ZNF644: variants seen among roughly 807,000 people sequenced by gnomAD.
ZNF644 encodes the protein zinc finger protein 644.
In ZNF644, 20 loss-of-function variants were observed where a neutral mutation model predicts 108.0. The ratio of observed to expected loss-of-function variants is 0.19; its 90% CI spans 0.13 to 0.27. ZNF644 has a LOEUF of 0.27. Ranked by LOEUF, ZNF644 falls within the 10% of genes least tolerant of loss-of-function variation. The pLI, the probability that ZNF644 is intolerant of heterozygous loss-of-function variation, is 1.00. For missense variants in ZNF644, 1,338 were observed against 1,548.9 expected, an observed-to-expected ratio of 0.86 and a Z score of 2.29; for synonymous variants, 542 against 539.1, an observed-to-expected ratio of 1.01 and a Z score of -0.08.
chr1:90,962,300 T>C (rs74099879), intron 2 of ZNF644, among the ~76,000 whole-genome samples: 1,567 of 152,018 alleles, frequency 0.01, 25 homozygotes, highest in African/African-American at 0.035. Context: ...GTGCTTTAGA[T>C]AGACAAAAGT....
chr1:90,967,049 C>G (rs558571575), intron 2 of ZNF644, among the ~76,000 whole-genome samples: 1 of 152,240 alleles, frequency 6.6e-6, no homozygotes, highest in Non-Finnish European at 1.5e-5. Flanking sequence ...CACATTTTCC[C>G]TTCTCTCAGG....
rs1454572832 is a variant in ZNF644, at chr1:90,940,998, G to A, written c.356C>T (p.Pro119Leu). ...CTTAGTTAAGGAGGAGTGTGAAACT[G>A]GTCCATTAACAGCAGCTCCTTTAGG... is the stretch of plus-strand genomic sequence containing the variant. ...ILPKGAAVNG[P>L]VSHSSLTKTS... Residue 119 changes from proline (P) to leucine (L), a missense_variant, in exon 3 of 6, where the codon CCA becomes CTA. Transcript: ENST00000337393. The A allele has an allele frequency of 1.9e-6, 3 of 1,614,048 alleles. No homozygotes were observed. The highest frequency in any genetic ancestry group is 2.5e-6 in the Non-Finnish European group (3 of 1,179,964).
At chr1:91,011,949 C>G (rs1659992130) in intron 1 of ZNF644, among the ~76,000 whole-genome samples, 1 of 152,098 alleles carries the variant, frequency 6.6e-6, no homozygotes, top group Non-Finnish European at 1.5e-5. Context: ...TGGCTATATG[C>G]CTAGAGAATA....
At chr1:90,919,483 T>C (rs552864072) in intron 4 of ZNF644, among the ~76,000 whole-genome samples, 6 of 152,246 alleles carry the variant, frequency 3.9e-5, no homozygotes, top group African/African-American at 1.4e-4. Flanking sequence ...AGAAATGTCA[T>C]ATAGAAAATT....
intron 1 of ZNF644, among the ~76,000 whole-genome samples, chr1:90,992,009 C>CA (rs1036288573): frequency 3.3e-5 from 5 of 151,170 alleles, no homozygotes; most frequent in South Asian, 2.1e-4. Flanking sequence ...GAATGAATCT[C>CA]AAAAAAAATA....
At chr1:90,952,014 A>AG (rs759954554) in intron 2 of ZNF644, among the ~76,000 whole-genome samples, 49 of 152,182 alleles carry the variant, frequency 3.2e-4, no homozygotes, top group Non-Finnish European at 6.0e-4. Flanking sequence ...AAACAGCTCA[A>AG]GGGAAGAGTT....
intron 2 of ZNF644, among the ~76,000 whole-genome samples, chr1:90,949,256 T>C (rs181613746): frequency 2.5e-4 from 38 of 151,896 alleles, no homozygotes; most frequent in African/African-American, 7.7e-4. Flanking sequence ...TGGAAAAGTA[T>C]GACATCTTTG....
chr1:90,930,292 C>T (rs1002599149), intron 4 of ZNF644, among the ~76,000 whole-genome samples: 1 of 152,104 alleles, frequency 6.6e-6, no homozygotes, highest in African/African-American at 2.4e-5. Flanking sequence ...GTCTCACACA[C>T]ACACACACAA....
chr1:90,966,476 C>T (rs760277842), intron 2 of ZNF644, among the ~76,000 whole-genome samples: 14 of 151,952 alleles, frequency 9.2e-5, no homozygotes, highest in Admixed American at 2.0e-4. Context: ...GGGCCAGGTG[C>T]GGGTGGCTCA....
chr1:91,008,948 A>C (rs1659692627), intron 1 of ZNF644, among the ~76,000 whole-genome samples: 1 of 152,224 alleles, frequency 6.6e-6, no homozygotes, highest in Non-Finnish European at 1.5e-5. Context: ...CATCAGAATT[A>C]AAAGAAAAGG....
At chr1:90,968,707 T>C (rs1191993151) in intron 2 of ZNF644, among the ~76,000 whole-genome samples, 2 of 152,186 alleles carry the variant, frequency 1.3e-5, no homozygotes, top group Non-Finnish European at 2.9e-5. Flanking sequence ...CTTTGTATAA[T>C]AGATGACATG....
chr1:90,955,393 T>C (rs530781459), intron 2 of ZNF644, among the ~76,000 whole-genome samples: 4 of 152,232 alleles, frequency 2.6e-5, no homozygotes, highest in Non-Finnish European at 4.4e-5. Context: ...CATTTACTTT[T>C]CTCTAGCTAT....
At chr1:90,920,321 T>C (rs1003188618) in intron 4 of ZNF644, among the ~76,000 whole-genome samples, 1 of 151,990 alleles carries the variant, frequency 6.6e-6, no homozygotes, top group African/African-American at 2.4e-5. Context: ...AGGATACAAA[T>C]AGAATACATT....
rs12062497 is a variant in ZNF644, at chr1:90,997,591, C to T, written c.-17-15221G>A. The stretch of plus-strand genomic sequence containing the variant: ...GGGAGGGGGGCGGTTCCAAGATGGC[C>T]GAAAAGGAACAGCTCCAGTCTACAG... On this transcript the variant is annotated intron_variant, in intron 1 of 5. Transcript: ENST00000337393. Among the ~76,000 whole-genome samples, 431 of 151,652 alleles carry T rather than the reference C, an allele frequency of 2.8e-3. 4 individuals are homozygous for T. Among genetic ancestry groups the T allele is most frequent in the African/African-American group, 9.9e-3 (409 of 41,362 alleles).
rs576784024 is a variant in ZNF644 at position 90,959,640 on chromosome 1, T to C, written c.45-18331A>G. Among the ~76,000 whole-genome samples the C allele has an allele frequency of 7.2e-5, 11 of 152,338 alleles. No homozygotes were observed. In the South Asian group the frequency reaches 2.1e-3, roughly 29 times the overall value. On this transcript the variant is annotated intron_variant, in intron 2 of 5. Coordinates refer to ENST00000337393, the MANE Select transcript of ZNF644 (RefSeq NM_201269.3). ...AAAAAGTCACATATTCTATGGTTTC[T>C]TTCATATGAAATATCCAGAACAGGC...
At chr1:90,959,157 C>T (rs908660837) in intron 2 of ZNF644, among the ~76,000 whole-genome samples, 2 of 152,122 alleles carry the variant, frequency 1.3e-5, no homozygotes, top group Non-Finnish European at 2.9e-5. Context: ...CATAAAAAGA[C>T]GTTCAACATC....
chr1:90,938,771 C>G lies in ZNF644; in HGVS notation c.2583G>C (p.Trp861Cys). ...TGTAGTCTCCTAACTCAACATTATC[C>G]CAGGAACTTTCATCTTCTGTTTCAT... ...DSYETEDESS[W>C]DNVELGDYTT... Residue 861 changes from tryptophan to cysteine, a missense_variant, in exon 3 of 6, where the codon TGG becomes TGC. Transcript: ENST00000337393. This position sits in a 1 kb window ranked among gnomAD's most constrained non-coding sequence, Gnocchi z 4.2. The G allele has an allele frequency of 6.2e-7, 1 of 1,613,628 alleles. No individual in the cohort carries two copies. The highest frequency in any genetic ancestry group is 8.5e-7 in the Non-Finnish European group (1 of 1,179,822).
intron 1 of ZNF644, among the ~76,000 whole-genome samples, chr1:91,009,431 A>C (rs1324763466): frequency 1.3e-5 from 2 of 152,150 alleles, no homozygotes; most frequent in African/African-American, 4.8e-5. Flanking sequence ...AGGTACACTC[A>C]ATTTAGGAAT....
At chr1:90,960,138 T>C (rs372633837) in intron 2 of ZNF644, among the ~76,000 whole-genome samples, 1 of 152,266 alleles carries the variant, frequency 6.6e-6, no homozygotes, top group South Asian at 2.1e-4. Flanking sequence ...GTAGTGATAC[T>C]GGCAATTCAG....
Sources: allele counts gnomAD v4.1 joint callset (sites outside exome capture counted in the v4.1 genomes callset), GRCh38; gene constraint gnomAD v4.1.1; non-coding constraint Gnocchi (gnomAD v3.1); transcripts MANE v1.5; gene names NCBI Gene and HGNC (gene_info 2026-07-23, HGNC 2026-07-21).